The following PROCR variants were observed in gnomAD, a reference collection of about 807,000 sequenced individuals.
PROCR encodes the protein protein C receptor, also known as endothelial protein C receptor.
In PROCR, 22 loss-of-function variants were observed where a neutral mutation model predicts 24.2. The observed-to-expected ratio is 0.91, with a 90% CI of 0.65 to 1.30. PROCR has a LOEUF of 1.30. Ranked by LOEUF, PROCR falls within the 50% of genes most tolerant of loss-of-function variation. PROCR has a pLI of 0.00. For missense variants in PROCR, 288 were observed against 307.7 expected, an observed-to-expected ratio of 0.94 and a Z score of 0.48; for synonymous variants, 137 against 139.2, an observed-to-expected ratio of 0.98 and a Z score of 0.11.
intron 1 of PROCR, among the ~76,000 whole-genome samples, chr20:35,188,017 C>T (rs894409476): frequency 6.6e-6 from 1 of 152,168 alleles, no homozygotes; most frequent in Non-Finnish European, 1.5e-5. Flanking sequence ...TAAAGGTAAA[C>T]AAATGACTCC....
chr20:35,179,729 T>G (rs1851189517), downstream of PROCR, among the ~76,000 whole-genome samples: 1 of 152,212 alleles, frequency 6.6e-6, no homozygotes, highest in African/African-American at 2.4e-5. Context: ...TGATGTTTAC[T>G]GTTCATTAAT....
intron 1 of PROCR, among the ~76,000 whole-genome samples, chr20:35,184,440 G>A (rs6060288): frequency 0.4 from 60,161 of 152,008 alleles, 14,108 homozygotes; most frequent in African/African-American, 0.66. Flanking sequence ...GGTGGCTCAC[G>A]CCTGTAATCC....
At chr20:35,203,466 G>A (rs773882646) in intron 1 of PROCR, among the ~76,000 whole-genome samples, 6 of 150,436 alleles carry the variant, frequency 4.0e-5, no homozygotes, top group Non-Finnish European at 5.9e-5. Flanking sequence ...CTTTTTAGAC[G>A]AACTCTTGGG....
At chr20:35,194,179 A>G (rs1260253280) in intron 1 of PROCR, among the ~76,000 whole-genome samples, 1 of 152,208 alleles carries the variant, frequency 6.6e-6, no homozygotes, top group East Asian at 1.9e-4. Context: ...ACAAAAGCCT[A>G]ATTAGAATGA....
intron 1 of PROCR, among the ~76,000 whole-genome samples, chr20:35,198,621 A>T (rs1262693518): frequency 6.6e-6 from 1 of 152,190 alleles, no homozygotes; most frequent in African/African-American, 2.4e-5. Flanking sequence ...TCTACAGAAG[A>T]TCGAGCTAAG....
In PROCR at chr20:35,207,013, G is replaced by C. The variant is rs79317369; in HGVS notation, c.95-8880G>C. On this transcript the variant is annotated intron_variant, in intron 1 of 1. Transcript: ENST00000634509. ...ATACACTACTACTCAGCAATGAAAA[G>C]GAATTGACTACTGATACACTCAACA... is the stretch of plus-strand genomic sequence containing the variant. Among the ~76,000 whole-genome samples the C allele has an allele frequency of 3.5e-3, 539 of 152,214 alleles. 3 individuals are homozygous for C. The highest frequency in any genetic ancestry group is 3.8e-3 in the Non-Finnish European group (261 of 68,016).
At position 35,176,768 on chromosome 20, in the gene PROCR, T is replaced by C; in HGVS notation, c.672T>C (p.Gly224=). The change falls in exon 4 of 4, where the codon GGT becomes GGC. Residue 224 remains glycine (G), a synonymous_variant. Transcript: ENST00000216968. The stretch of plus-strand genomic sequence containing the variant: ...TGGTGGGCAGTTTCATCATTGCTGG[T>C]GTGGCTGTAGGCATCTTCCTGTGCA... ...GVLVGSFIIA[G]VAVGIFLCTG... is the part of the protein sequence containing the mutation. 1 of 1,614,008 alleles carries C rather than the reference T, an allele frequency of 6.2e-7. No homozygotes were observed. The highest frequency in any genetic ancestry group is 8.5e-7 in the Non-Finnish European group (1 of 1,179,992).
At chr20:35,173,345 C>T (rs2085968652) in intron 1 of PROCR, among the ~76,000 whole-genome samples, 1 of 150,816 alleles carries the variant, frequency 6.6e-6, no homozygotes, top group African/African-American at 2.4e-5. Flanking sequence ...CACTGTGTCT[C>T]GTGGGGCATC....
intron 1 of PROCR, chr20:35,215,868 C>T (rs2060380475): frequency 2.0e-6 from 2 of 985,200 alleles, no homozygotes; most frequent in Admixed American, 1.2e-4. Context: ...TCTCCAGCCA[C>T]CCTCTCATTT....
chr20:35,191,858 G>A (rs536449274), intron 1 of PROCR, among the ~76,000 whole-genome samples: 4 of 152,280 alleles, frequency 2.6e-5, no homozygotes, highest in African/African-American at 9.6e-5. Flanking sequence ...GAGGACTGAC[G>A]TGATTTGACT....
downstream of PROCR, among the ~76,000 whole-genome samples, chr20:35,179,391 A>G (rs1600737435): frequency 6.6e-6 from 1 of 151,996 alleles, no homozygotes; most frequent in Non-Finnish European, 1.5e-5. Context: ...AAAAAAATAG[A>G]AAAAATTAGC....
intron 1 of PROCR, among the ~76,000 whole-genome samples, chr20:35,183,477 CAGA>C (rs1273868477): frequency 2.0e-5 from 3 of 152,144 alleles, no homozygotes; most frequent in Non-Finnish European, 4.4e-5. Context: ...GAGGCCTCAC[CAGA>C]AGAAGATGCT....
chr20:35,196,584 T>C (rs2086218579), intron 1 of PROCR, among the ~76,000 whole-genome samples: 1 of 152,172 alleles, frequency 6.6e-6, no homozygotes. Context: ...TTTAAAGTGC[T>C]GAAAGAAAAG....
In PROCR at chr20:35,177,227, T is replaced by G; in HGVS notation, c.*414T>G. On this transcript the variant is annotated 3_prime_UTR_variant, in exon 4 of 4. Coordinates refer to ENST00000216968, the MANE Select transcript of PROCR (RefSeq NM_006404.5). The stretch of plus-strand genomic sequence containing the variant: ...TTCAATACTTCCAGGTGTGTCAGAC[T>G]TGGGATGGGACGCTGATATAATAGG... 1 of 1,066,894 alleles carries G rather than the reference T, an allele frequency of 9.4e-7. No homozygotes were observed. The highest frequency in any genetic ancestry group is 1.1e-6 in the Non-Finnish European group (1 of 878,714). 66.1% of individuals were successfully genotyped at this position (1,066,894 alleles called of 1,614,324 possible). A position where few individuals can be genotyped will look rare whatever the true frequency, so the allele number is the denominator to read the frequency against.
chr20:35,184,167 T>C (rs1204131333), intron 1 of PROCR, among the ~76,000 whole-genome samples: 1 of 152,162 alleles, frequency 6.6e-6, no homozygotes, highest in African/African-American at 2.4e-5. Flanking sequence ...TATAAGGCCA[T>C]AGTCACCAAA....
At chr20:35,182,110 G>T (rs527405584), downstream of PROCR, among the ~76,000 whole-genome samples, 1 of 152,222 alleles carries the variant, frequency 6.6e-6, no homozygotes, top group Non-Finnish European at 1.5e-5. Context: ...GCAAGTGCAG[G>T]GGGGAAAAGG....
intron 2 of PROCR, 125 bp from the exon 3 acceptor site, chr20:35,176,043 C>T: frequency 8.7e-7 from 1 of 1,147,842 alleles, no homozygotes. Context: ...AGTTCCCTGA[C>T]CTAGACTCCC....
chr20:35,214,628 G>GC (rs1335500310), intron 1 of PROCR, among the ~76,000 whole-genome samples: 1 of 150,004 alleles, frequency 6.7e-6, no homozygotes, highest in African/African-American at 2.5e-5. Context: ...GGTGGAGGTT[G>GC]CAGTGAGCCG....
At chr20:35,209,836 TACCTCTTAGAAA>T (rs2060355333) in intron 1 of PROCR, among the ~76,000 whole-genome samples, 1 of 152,170 alleles carries the variant, frequency 6.6e-6, no homozygotes, top group Admixed American at 6.5e-5. Flanking sequence ...ACTAGGCCAC[TACCTCTTAGAAA>T]ACCTCCTAAA....
Sources: gnomAD v4.1 joint callset for allele counts (sites outside exome capture counted in the v4.1 genomes callset) on GRCh38, gnomAD v4.1.1 for gene constraint, MANE v1.5 for transcripts, NCBI Gene and HGNC (gene_info 2026-07-23, HGNC 2026-07-21) for gene names.